The following PLEKHA8 variants were observed in gnomAD, a reference collection of about 807,000 sequenced individuals.
PLEKHA8 encodes the protein pleckstrin homology domain containing A8.
Under a neutral mutation model 68.2 loss-of-function variants are expected in PLEKHA8, and 36 were observed. The observed-to-expected ratio is 0.53, with a 90% CI of 0.40 to 0.70. The LOEUF (loss-of-function observed/expected upper bound fraction) is 0.70. PLEKHA8 is among the 30% of genes least tolerant of loss of function. The pLI is 0.00. For missense variants in PLEKHA8, 505 were observed against 615.4 expected (o/e 0.82, Z 1.90); for synonymous variants, 211 against 216.1 (o/e 0.98, Z 0.20).
intron 6 of PLEKHA8, 69 bp from the exon 7 acceptor site, chr7:30,052,640 C>CAAA (rs75714651): frequency 1.6e-4 from 170 of 1,066,538 alleles, no homozygotes; most frequent in African/African-American, 5.2e-4. Flanking sequence ...GACCCTGTTT[C>CAAA]AAAAAAAAAA....
intron 13 of PLEKHA8, among the ~76,000 whole-genome samples, chr7:30,107,060 T>G (rs1796086610): frequency 1.3e-5 from 2 of 152,168 alleles, no homozygotes. Context: ...TTTTCTATTT[T>G]GAGAAATACC....
At chr7:30,041,105 A>G (rs1300248238) in intron 1 of PLEKHA8, among the ~76,000 whole-genome samples, 1 of 152,212 alleles carries the variant, frequency 6.6e-6, no homozygotes, top group African/African-American at 2.4e-5. Context: ...GCTGTATCCC[A>G]GTTTCCCAGC....
intron 1 of PLEKHA8, among the ~76,000 whole-genome samples, chr7:30,044,209 G>A (rs984220093): frequency 2.0e-5 from 3 of 152,070 alleles, no homozygotes; most frequent in Non-Finnish European, 4.4e-5. Flanking sequence ...GTTTCACCAT[G>A]TTGGCCAGGA....
At chr7:30,128,091 A>ATTTTTTTTTTTTTTT (rs35173428) in intron 13 of PLEKHA8, among the ~76,000 whole-genome samples, 3 of 122,720 alleles carry the variant, frequency 2.4e-5, no homozygotes, top group Non-Finnish European at 3.4e-5. Context: ...GTTTTACTGT[A>ATTTTTTTTTTTTTTT]TTTTTTTTTT....
intron 13 of PLEKHA8, among the ~76,000 whole-genome samples, chr7:30,096,641 G>A (rs1235299283): frequency 6.6e-6 from 1 of 152,120 alleles, no homozygotes; most frequent in Non-Finnish European, 1.5e-5. Flanking sequence ...CTGAGACTAG[G>A]ATTGCAACCC....
chr7:30,089,031 C>T (rs1795291374), downstream of PLEKHA8, among the ~76,000 whole-genome samples: 1 of 152,018 alleles, frequency 6.6e-6, no homozygotes, highest in Admixed American at 6.6e-5. Flanking sequence ...AAGGCTGTGT[C>T]CCCCGTACAT....
intron 13 of PLEKHA8, among the ~76,000 whole-genome samples, chr7:30,115,242 AAGTT>A (rs972171119): frequency 5.9e-5 from 9 of 152,184 alleles, no homozygotes; most frequent in South Asian, 2.1e-4. Flanking sequence ...TCTTTTAAGA[AAGTT>A]AGGAGTCTCA....
chr7:30,122,331 G>A (rs1173044266), intron 13 of PLEKHA8, among the ~76,000 whole-genome samples: 4 of 152,052 alleles, frequency 2.6e-5, no homozygotes, highest in Admixed American at 2.0e-4. Flanking sequence ...TTTCCACTGG[G>A]CTTTTTTCCC....
At position 30,101,179 on chromosome 7, in the gene PLEKHA8, G is replaced by C. The variant is rs371566194; in HGVS notation, c.1362+27047G>C. Among the ~76,000 whole-genome samples, 32 of 144,314 alleles carry C rather than the reference G, an allele frequency of 2.2e-4. No homozygotes were observed. In the South Asian group the frequency reaches 5.0e-3, roughly 23 times the overall value. The allele number at this position is 144,314 out of a possible 152,430, so 94.7% of individuals were successfully genotyped here. ...CCTGGGCAACAGAGTGAGACTTGGG[G>C]GAAAAAAAAAAAAGAAGAAAGAAAG... On this transcript the variant is annotated intron_variant, in intron 13 of 13. Transcript: ENST00000396257.
At chr7:30,088,631 A>G (rs1313305977), downstream of PLEKHA8, among the ~76,000 whole-genome samples, 1 of 152,212 alleles carries the variant, frequency 6.6e-6, no homozygotes, top group Non-Finnish European at 1.5e-5. Context: ...CAGAATAAAT[A>G]AAAATTCAAA....
At position 30,074,090 on chromosome 7, in the gene PLEKHA8, A is replaced by G. The variant is rs11977829; in HGVS notation, c.1320A>G (p.Thr440=). 391,212 of 1,610,620 alleles carry G rather than the reference A, an allele frequency of 0.24. 49,631 individuals are homozygous for G. Among genetic ancestry groups the G allele is most frequent in the African/African-American group, 0.41 (30,706 of 74,774 alleles). The part of the protein sequence containing the change: ...QTALNNAYGK[T]LRQHHGWVVR... ...TTCAAGATAATGCATATGGTAAAAC[A>G]TTGCGGCAACACCATGGCTGGGTAG... Residue 440 remains threonine, a synonymous_variant, in exon 13 of 14, where the codon ACA becomes ACG. Transcript: ENST00000449726.
At position 30,081,030 on chromosome 7, in the gene PLEKHA8, A is replaced by T; in HGVS notation, c.*2243A>T. 1 of 985,344 alleles carries T rather than the reference A, an allele frequency of 1.0e-6. No individual in the cohort carries two copies. Among genetic ancestry groups the T allele is most frequent in the Non-Finnish European group, 1.2e-6 (1 of 829,912 alleles). 61.0% of individuals were successfully genotyped at this position (985,344 alleles called of 1,614,324 possible). On this transcript the variant is annotated 3_prime_UTR_variant, in exon 14 of 14. Transcript: ENST00000449726. The stretch of plus-strand genomic sequence containing the variant: ...AGAGGTAGCACTCTGAAAATACCTC[A>T]GGTTTGCCACCGCAACTCTGAATAC...
intron 6 of PLEKHA8, among the ~76,000 whole-genome samples, chr7:30,051,100 A>G (rs896978252): frequency 6.6e-6 from 1 of 152,174 alleles, no homozygotes. Context: ...GGGTTTCACC[A>G]TGTTGCCCAG....
At chr7:30,038,343 A>G (rs1791263634) in intron 1 of PLEKHA8, among the ~76,000 whole-genome samples, 1 of 152,246 alleles carries the variant, frequency 6.6e-6, no homozygotes, top group African/African-American at 2.4e-5. Flanking sequence ...TGTCTTTAAT[A>G]GAAGTAAACT....
intron 1 of PLEKHA8, among the ~76,000 whole-genome samples, chr7:30,034,836 C>T (rs1412834139): frequency 6.6e-6 from 1 of 151,048 alleles, no homozygotes; most frequent in Non-Finnish European, 1.5e-5. Flanking sequence ...TCATTTGCAA[C>T]ACAAAAGTTT....
chr7:30,114,254 G>A (rs1344981480), intron 13 of PLEKHA8, among the ~76,000 whole-genome samples: 1 of 152,166 alleles, frequency 6.6e-6, no homozygotes, highest in Non-Finnish European at 1.5e-5. Context: ...AAGCATATGT[G>A]TACTCTTCTA....
chr7:30,101,963 C>T (rs569674124), intron 13 of PLEKHA8, among the ~76,000 whole-genome samples: 2 of 152,148 alleles, frequency 1.3e-5, no homozygotes, highest in South Asian at 4.1e-4. Context: ...AACTTTTGTG[C>T]ATCAAAGGAC....
At chr7:30,091,829 A>T (rs993966754), downstream of PLEKHA8, among the ~76,000 whole-genome samples, 1 of 152,208 alleles carries the variant, frequency 6.6e-6, no homozygotes, top group Non-Finnish European at 1.5e-5. Context: ...TGAAATGTCA[A>T]TCCTTTCTCT....
chr7:30,086,963 T>A (rs1192852207), downstream of PLEKHA8, among the ~76,000 whole-genome samples: 1 of 152,190 alleles, frequency 6.6e-6, no homozygotes, highest in Admixed American at 6.5e-5. Context: ...GGAGAATTGA[T>A]GAACGATGAT....
Sources: gnomAD v4.1 joint callset for allele counts (sites outside exome capture counted in the v4.1 genomes callset) on GRCh38, gnomAD v4.1.1 for gene constraint, MANE v1.5 for transcripts, NCBI Gene and HGNC (gene_info 2026-07-23, HGNC 2026-07-21) for gene names.